RPS6KA5: variants seen among roughly 807,000 people sequenced by gnomAD.
The protein encoded by RPS6KA5 is ribosomal protein S6 kinase alpha-5.
In RPS6KA5, 27 loss-of-function variants were observed where a neutral mutation model predicts 85.5. The ratio of observed to expected loss-of-function variants is 0.32; its 90% CI spans 0.23 to 0.44. The LOEUF is 0.44. RPS6KA5 is among the 20% of genes least tolerant of loss of function. The pLI is 1.00. For synonymous variants in RPS6KA5, 334 were observed against 348.2 expected, an observed-to-expected ratio of 0.96 and a Z score of 0.46; for missense variants, 811 against 980.9, an observed-to-expected ratio of 0.83 and a Z score of 2.31.
intron 3 of RPS6KA5, among the ~76,000 whole-genome samples, chr14:90,954,506 C>T (rs555403545): frequency 1.3e-5 from 2 of 152,280 alleles, no homozygotes; most frequent in East Asian, 1.9e-4. Context: ...CTCCGCCTCC[C>T]GGGTTCAAGT....
At chr14:91,010,228 G>A (rs1261354810) in intron 1 of RPS6KA5, among the ~76,000 whole-genome samples, 1 of 152,108 alleles carries the variant, frequency 6.6e-6, no homozygotes, top group African/African-American at 2.4e-5. Flanking sequence ...AGTCAAAACA[G>A]AATGCAGATT....
At chr14:91,008,550 G>C (rs1390831086) in intron 1 of RPS6KA5, among the ~76,000 whole-genome samples, 1 of 152,160 alleles carries the variant, frequency 6.6e-6, no homozygotes, top group Admixed American at 6.5e-5. Flanking sequence ...TAGCTAAGAA[G>C]TACAGGATTT....
chr14:90,874,952 G>C (rs1038620417), intron 15 of RPS6KA5, among the ~76,000 whole-genome samples: 1 of 152,086 alleles, frequency 6.6e-6, no homozygotes, highest in African/African-American at 2.4e-5. Flanking sequence ...AAAAAGTATT[G>C]GTTTGTTTTA....
At chr14:91,010,943 T>C (rs1476651034) in intron 1 of RPS6KA5, among the ~76,000 whole-genome samples, 1 of 151,950 alleles carries the variant, frequency 6.6e-6, no homozygotes, top group Non-Finnish European at 1.5e-5. Context: ...AAACAAACCA[T>C]AGGCTTTCTC....
chr14:91,055,409 A>G (rs1383953380), intron 1 of RPS6KA5, among the ~76,000 whole-genome samples: 1 of 152,256 alleles, frequency 6.6e-6, no homozygotes. Context: ...ATGCATAAAC[A>G]AAACTTGGTA....
rs945250067 is a variant in RPS6KA5 at position 91,012,089 on chromosome 14, AT to A, written c.104-10931del. ...TATCCAATTTTCAGTTACTTGACAG[AT>A]TTTTTTTTCTTTGAGACATCAGTTC... On this transcript the variant is annotated intron_variant, in intron 1 of 16. Transcript: ENST00000614987. 2.4e-3 allele frequency among the ~76,000 whole-genome samples: 366 copies of A among 151,886 alleles called. 1 individual carries two copies. Among genetic ancestry groups the A allele is most frequent in the African/African-American group, 8.3e-3 (346 of 41,454 alleles).
chr14:90,907,786 C>A (rs8012622), intron 7 of RPS6KA5, among the ~76,000 whole-genome samples: 4,969 of 152,190 alleles, frequency 0.033, 270 homozygotes, highest in African/African-American at 0.11. Context: ...TCTGGATTTT[C>A]GGCATTAATA....
intron 5 of RPS6KA5, among the ~76,000 whole-genome samples, chr14:90,932,030 A>G (rs971827125): frequency 1.8e-4 from 28 of 152,370 alleles, no homozygotes; most frequent in African/African-American, 6.7e-4. Context: ...TTAATCCACC[A>G]CATACTCTTT....
At chr14:90,922,397 T>C (rs1456474965) in intron 6 of RPS6KA5, among the ~76,000 whole-genome samples, 1 of 152,218 alleles carries the variant, frequency 6.6e-6, no homozygotes, top group African/African-American at 2.4e-5. Flanking sequence ...CCTTCTGTAT[T>C]GCATTGTGGT....
At chr14:91,056,078 C>G (rs2139971641) in intron 1 of RPS6KA5, among the ~76,000 whole-genome samples, 1 of 152,264 alleles carries the variant, frequency 6.6e-6, no homozygotes, top group East Asian at 1.9e-4. Flanking sequence ...AAAAAAGAAC[C>G]AATAAGCTAA....
chr14:91,043,965 G>A (rs1245719039), intron 1 of RPS6KA5, among the ~76,000 whole-genome samples: 4 of 152,142 alleles, frequency 2.6e-5, no homozygotes, highest in African/African-American at 7.2e-5. Flanking sequence ...AGTGGCTCAC[G>A]CCTGTAATAC....
At chr14:90,897,304 C>T (rs1008755150) in intron 12 of RPS6KA5, among the ~76,000 whole-genome samples, 1 of 152,152 alleles carries the variant, frequency 6.6e-6, no homozygotes, top group Admixed American at 6.5e-5. Flanking sequence ...GACAGCTTGA[C>T]TTTAAGCCAA....
chr14:90,899,458 T>C, intron 11 of RPS6KA5, 36 bp from the exon 12 acceptor site: 2 of 1,472,548 alleles, frequency 1.4e-6, no homozygotes, highest in Non-Finnish European at 1.9e-6. Context: ...ACATGTCTCT[T>C]CAAGAAAGTT....
intron 2 of RPS6KA5, among the ~76,000 whole-genome samples, chr14:90,981,680 A>G (rs1287500079): frequency 6.6e-6 from 1 of 152,256 alleles, no homozygotes; most frequent in Non-Finnish European, 1.5e-5. Context: ...GGGAAAAACT[A>G]TAATGAAGCT....
intron 1 of RPS6KA5, among the ~76,000 whole-genome samples, chr14:91,028,566 TG>T (rs1017970494): frequency 2.6e-5 from 4 of 151,682 alleles, no homozygotes; most frequent in African/African-American, 9.7e-5. Context: ...TCGCCCAGGC[TG>T]GAGTGCAGAG....
chr14:90,983,488 T>C (rs1214096848), intron 2 of RPS6KA5, among the ~76,000 whole-genome samples: 1 of 151,596 alleles, frequency 6.6e-6, no homozygotes, highest in Admixed American at 6.6e-5. Context: ...TGGTCCCAGC[T>C]ACTTAGGAGG....
chr14:90,913,287 TGA>T (rs1229189092), intron 7 of RPS6KA5, among the ~76,000 whole-genome samples: 2 of 152,242 alleles, frequency 1.3e-5, no homozygotes, highest in Middle Eastern at 3.4e-3. Context: ...GGAAGCCATC[TGA>T]GAGGTGCACA....
chr14:91,044,379 AAGAAAGAAAGAAG>A (rs2042757945), intron 1 of RPS6KA5, among the ~76,000 whole-genome samples: 3 of 14,428 alleles, frequency 2.1e-4, no homozygotes, highest in African/African-American at 7.3e-4. Flanking sequence ...GAAAGAAGGA[AAGAAAGAAAGAAG>A]GAAAGAAAGA....
intron 14 of RPS6KA5, among the ~76,000 whole-genome samples, chr14:90,878,673 T>A (rs1429569507): frequency 2.0e-5 from 3 of 152,178 alleles, no homozygotes; most frequent in Non-Finnish European, 4.4e-5. Context: ...AAACTGGGGC[T>A]CCAGTGGTCA....
Sources: allele counts gnomAD v4.1 joint callset (sites outside exome capture counted in the v4.1 genomes callset), GRCh38; gene constraint gnomAD v4.1.1; transcripts MANE v1.5; gene names NCBI Gene and HGNC (gene_info 2026-07-23, HGNC 2026-07-21).